ZNF667: variants seen among roughly 807,000 people sequenced by gnomAD.
The protein encoded by ZNF667 is zinc finger protein 667.
In ZNF667, 13 loss-of-function variants were observed where a neutral mutation model predicts 31.8. That is an observed-to-expected ratio of 0.41 (90% CI 0.27 to 0.65). ZNF667 has a LOEUF of 0.65. ZNF667 is among the 30% of genes least tolerant of loss of function. The probability of loss-of-function intolerance (pLI) is 0.32; values close to 1 mark genes in which losing one functional copy is unlikely to be tolerated. For missense variants in ZNF667, 642 were observed against 725.6 expected (o/e 0.88, Z 1.32); for synonymous variants, 228 against 247.1 (o/e 0.92, Z 0.73).
At position 56,469,333 on chromosome 19, in the gene ZNF667, G is replaced by T. The variant is rs962827333; in HGVS notation, c.-60+2366C>A. 2.0e-5 allele frequency among the ~76,000 whole-genome samples: 3 copies of T among 152,284 alleles called. No individual in the cohort carries two copies. In the East Asian group the frequency reaches 5.8e-4, roughly 29 times the overall value. On this transcript the variant is annotated intron_variant, in intron 3 of 6. Transcript: ENST00000504904. ...CCAGGGTCAGAGGGAAGGGTGAGGC[G>T]GCCCCCAGTGGTGGTAAACACATCA...
At chr19:56,475,714 T>C (rs2043391382) in intron 1 of ZNF667, 1 of 152,164 alleles carries the variant, frequency 6.6e-6, no homozygotes, top group South Asian at 2.1e-4. Context: ...TCCAGACCCA[T>C]GTGTTATATG....
chr19:56,442,635 T>C lies in ZNF667; in HGVS notation c.360A>G (p.Thr120=). The change falls in exon 7 of 7, where the codon ACA becomes ACG. Residue 120 remains threonine (T), a synonymous_variant. Transcript: ENST00000504904. ...AATTTTTGTTGCAGCCACTCTTTCGTGTAGGAGCTTTTTGTTGTGCAGAAA... is the reference window on the plus strand; with the variant it reads ...AATTTTTGTTGCAGCCACTCTTTCGCGTAGGAGCTTTTTGTTGTGCAGAAA... The part of the protein sequence containing the change: ...KLVSAQQKAP[T]RKSGCNKNSV... The C allele has an allele frequency of 6.2e-7, 1 of 1,613,956 alleles. No individual in the cohort carries two copies. Among genetic ancestry groups the C allele is most frequent in the Non-Finnish European group, 8.5e-7 (1 of 1,179,978 alleles).
intron 3 of ZNF667, among the ~76,000 whole-genome samples, chr19:56,466,787 C>G (rs1285023844): frequency 6.6e-6 from 1 of 152,204 alleles, no homozygotes; most frequent in Non-Finnish European, 1.5e-5. Context: ...GAGATAACAT[C>G]AATGACCAGG....
intron 3 of ZNF667, among the ~76,000 whole-genome samples, chr19:56,465,321 C>T (rs566657169): frequency 6.6e-6 from 1 of 152,332 alleles, no homozygotes; most frequent in Non-Finnish European, 1.5e-5. Context: ...GGCCATCAGG[C>T]TTGAGTTCAG....
At chr19:56,462,610 G>A (rs1369173770) in intron 3 of ZNF667, among the ~76,000 whole-genome samples, 181 bp from the exon 4 acceptor site, 4 of 152,286 alleles carry the variant, frequency 2.6e-5, no homozygotes, top group African/African-American at 4.8e-5. Flanking sequence ...GGAAGGGCAC[G>A]GCCAACCCTT....
Position 56,442,302 on chromosome 19 carries a change from C to G in ZNF667, c.693G>C (p.Gly231=). ...IHDGKEILDC[G]KALSQCQSFN... ...AAGACTGACATTGACTCAAGGCCTT[C>G]CCACAGTCAAGAATTTCCTTTCCAT... is the stretch of plus-strand genomic sequence containing the variant. Residue 231 remains glycine (G), a synonymous_variant, in exon 7 of 7, where the codon GGG becomes GGC. Transcript: ENST00000504904. The G allele has an allele frequency of 6.2e-7, 1 of 1,613,986 alleles. No individual in the cohort carries two copies. Among genetic ancestry groups the G allele is most frequent in the Non-Finnish European group, 8.5e-7 (1 of 1,179,958 alleles).
In ZNF667 at chr19:56,440,515, CTCAAA is replaced by C; in HGVS notation, c.*642_*646del. The C allele has an allele frequency of 1.2e-6, 1 of 858,370 alleles. No homozygotes were observed. Among genetic ancestry groups the C allele is most frequent in the Non-Finnish European group, 1.4e-6 (1 of 713,964 alleles). 53.2% of individuals were successfully genotyped at this position (858,370 alleles called of 1,614,324 possible). A position where few individuals can be genotyped will look rare whatever the true frequency, so the allele number is the denominator to read the frequency against. The stretch of plus-strand genomic sequence containing the variant: ...GATAATTCTAGATCTGAGAAACAGA[CTCAAA>C]TTCTTTTTTCTGTGACCTTAAATCA... On this transcript the variant is annotated 3_prime_UTR_variant, in exon 7 of 7. Coordinates refer to ENST00000504904, the MANE Select transcript of ZNF667 (RefSeq NM_001321356.2).
At chr19:56,476,324 G>C (rs944143709) in intron 1 of ZNF667, among the ~76,000 whole-genome samples, 2 of 152,176 alleles carry the variant, frequency 1.3e-5, no homozygotes, top group Non-Finnish European at 2.9e-5. Flanking sequence ...GACGACGCAG[G>C]TGGTTGGCGG....
intron 6 of ZNF667, among the ~76,000 whole-genome samples, chr19:56,457,337 C>G (rs2042955005): frequency 6.6e-6 from 1 of 152,088 alleles, no homozygotes; most frequent in African/African-American, 2.4e-5. Flanking sequence ...AGCAGAGATG[C>G]AGGGGGACAG....
chr19:56,469,482 T>C (rs1010322513), intron 3 of ZNF667, among the ~76,000 whole-genome samples: 3 of 152,184 alleles, frequency 2.0e-5, no homozygotes, highest in Admixed American at 6.5e-5. Context: ...AACCTACTTC[T>C]GGAGGGAGTT....
At chr19:56,467,029 A>G (rs1190556767) in intron 3 of ZNF667, 1 of 456,478 alleles carries the variant, frequency 2.2e-6, no homozygotes, top group Non-Finnish European at 4.4e-6. Context: ...ACCCTCTCTT[A>G]TGGTCTGGAT....
At chr19:56,466,884 C>A in intron 3 of ZNF667, 1 of 408,052 alleles carries the variant, frequency 2.5e-6, no homozygotes, top group Non-Finnish European at 4.9e-6. Context: ...TTAATGACAG[C>A]TCCTTACAGT....
intron 6 of ZNF667, chr19:56,444,133 G>A (rs2042674575): frequency 7.5e-6 from 3 of 398,088 alleles, no homozygotes; most frequent in Non-Finnish European, 1.3e-5. Flanking sequence ...AATTTTACCT[G>A]TTTGTATTAG....
At chr19:56,461,395 T>A (rs553691768) in intron 4 of ZNF667, among the ~76,000 whole-genome samples, 1 of 152,352 alleles carries the variant, frequency 6.6e-6, no homozygotes, top group East Asian at 1.9e-4. Flanking sequence ...CCTGGCCAGT[T>A]GGTTATTGGT....
chr19:56,454,704 C>G (rs1483564543), intron 6 of ZNF667, among the ~76,000 whole-genome samples: 1 of 76,904 alleles, frequency 1.3e-5, no homozygotes, highest in East Asian at 2.3e-4. Context: ...AATCTACGAC[C>G]TAAAACAATC....
rs2042560315 is a variant in ZNF667 at position 56,439,503 on chromosome 19, G to T, written c.*1659C>A. 2 of 152,250 alleles carry T rather than the reference G, an allele frequency of 1.3e-5. No individual in the cohort carries two copies. Among genetic ancestry groups the T allele is most frequent in the African/African-American group, 4.8e-5 (2 of 41,460 alleles). 9.4% of individuals were successfully genotyped at this position (152,250 alleles called of 1,614,324 possible). ...GCCATAACAAAACATCATAGACTGG[G>T]TGGCTTAAACAACAATTTACTTCTC... On this transcript the variant is annotated 3_prime_UTR_variant, in exon 7 of 7. Transcript: ENST00000504904.
At chr19:56,465,970 T>C (rs1396784887) in intron 3 of ZNF667, among the ~76,000 whole-genome samples, 1 of 152,244 alleles carries the variant, frequency 6.6e-6, no homozygotes, top group African/African-American at 2.4e-5. Context: ...CCTGGGAGTC[T>C]GCAATTTTGT....
rs144865676 is a variant in ZNF667 at position 56,460,756 on chromosome 19, C to T, written c.93G>A (p.Leu31=). ...IYFSQEEWEW[L]SPIQKDLYED... ...CATACAAATCCTTCTGAATGGGGCTCAGCCATTCCCACTCCTCCTGGGAGA... is the reference window on the plus strand; with the variant it reads ...CATACAAATCCTTCTGAATGGGGCTTAGCCATTCCCACTCCTCCTGGGAGA... Residue 31 remains leucine (L), a synonymous_variant, in exon 5 of 7, where the codon CTG becomes CTA. Transcript: ENST00000504904. The T allele has an allele frequency of 2.4e-4, 392 of 1,612,642 alleles. No homozygotes were observed. Among genetic ancestry groups the T allele is most frequent in the Middle Eastern group, 1.6e-4 (1 of 6,080 alleles).
chr19:56,467,091 A>C, intron 3 of ZNF667: 1 of 456,194 alleles, frequency 2.2e-6, no homozygotes, highest in East Asian at 7.0e-5. Context: ...GCGGGGTCCC[A>C]TGCAGGTGAG....
Sources: gnomAD v4.1 joint callset for allele counts (sites outside exome capture counted in the v4.1 genomes callset) on GRCh38, gnomAD v4.1.1 for gene constraint, MANE v1.5 for transcripts, NCBI Gene and HGNC (gene_info 2026-07-23, HGNC 2026-07-21) for gene names.